Variants in SELENBP1 observed in about 807,000 individuals in gnomAD.
The protein encoded by SELENBP1 is selenium binding protein 1.
A neutral mutation model predicts 61.0 loss-of-function variants in SELENBP1; 71 were observed. The ratio of observed to expected loss-of-function variants is 1.16; its 90% CI spans 0.96 to 1.42. The LOEUF (loss-of-function observed/expected upper bound fraction) is 1.42, where lower values mean the gene tolerates loss of function less well. Ranked by LOEUF, SELENBP1 falls within the 40% of genes most tolerant of loss-of-function variation. The pLI, the probability that SELENBP1 is intolerant of heterozygous loss-of-function variation, is 0.00. For missense variants in SELENBP1, 561 were observed against 605.0 expected, an observed-to-expected ratio of 0.93 and a Z score of 0.76; for synonymous variants, 270 against 238.9, an observed-to-expected ratio of 1.13 and a Z score of -1.20.
chr1:151,365,214 G>A lies in SELENBP1; in HGVS notation c.1112C>T (p.Ser371Phe), dbSNP rs146726959. 1.9e-6 allele frequency: 3 copies of A among 1,613,894 alleles called. No homozygotes were observed. Among genetic ancestry groups the A allele is most frequent in the Non-Finnish European group, 2.5e-6 (3 of 1,179,908 alleles). Reference sequence around the variant, plus strand: ...CTTGACCACTAGGGGCTCTGGCTGGGACTTTAGTTCCTCGTCCTCCAGCAC... The same window carrying A: ...CTTGACCACTAGGGGCTCTGGCTGGAACTTTAGTTCCTCGTCCTCCAGCAC... Reference protein sequence around the residue: ...VQVLEDEELKSQPEPLVVKGK... With the variant: ...VQVLEDEELKFQPEPLVVKGK... The change falls in exon 10 of 12, where the codon TCC becomes TTC. Residue 371 changes from serine (S) to phenylalanine (F), a missense_variant. Transcript: ENST00000368868.
At chr1:151,370,703 G>A (rs1284982765) in intron 1 of SELENBP1, among the ~76,000 whole-genome samples, 1 of 152,118 alleles carries the variant, frequency 6.6e-6, no homozygotes, top group Non-Finnish European at 1.5e-5. Flanking sequence ...TGGGGAGCAG[G>A]GGTTAAAGAA....
chr1:151,368,229 A>T lies in SELENBP1; in HGVS notation c.451T>A (p.Ser151Thr), dbSNP rs556862506. 1.2e-6 allele frequency: 2 copies of T among 1,614,090 alleles called. No homozygotes were observed. Among genetic ancestry groups the T allele is most frequent in the Non-Finnish European group, 8.5e-7 (1 of 1,180,006 alleles). The stretch of plus-strand genomic sequence containing the variant: ...CCATTGCCCTTGACGTCTCCCAGGG[A>T]GCTGATCATCACTTCCCCGCTGGCC... Reference protein sequence around the residue: ...CLASGEVMISSLGDVKGNGKG... With the variant: ...CLASGEVMISTLGDVKGNGKG... The change falls in exon 5 of 12, where the codon TCC (serine) becomes ACC (threonine). Residue 151 changes from serine (S) to threonine (T), a missense_variant. Physicochemically the swap from Ser to Thr is moderately conservative, Grantham distance 58. Transcript: ENST00000368868.
At chr1:151,370,640 A>C (rs1402359774) in intron 1 of SELENBP1, among the ~76,000 whole-genome samples, 1 of 152,230 alleles carries the variant, frequency 6.6e-6, no homozygotes, top group Non-Finnish European at 1.5e-5. Flanking sequence ...GATGTGCAGT[A>C]GGGCTGGGAC....
rs972383447 is a variant in SELENBP1, at chr1:151,369,574, C to A, written c.62-20G>T. On this transcript the variant is annotated intron_variant, in intron 2 of 11. Transcript: ENST00000368868. Reference sequence around the variant, plus strand: ...TGGGTCCTGCACGGTAGAAAGCAGGCAGCAGGGACGGCAGGGTGGGAAGGA... The same window carrying A: ...TGGGTCCTGCACGGTAGAAAGCAGGAAGCAGGGACGGCAGGGTGGGAAGGA... The A allele has an allele frequency of 1.9e-6, 3 of 1,590,410 alleles. No individual in the cohort carries two copies.
chr1:151,365,892 C>A, intron 7 of SELENBP1, 46 bp from the exon 8 acceptor site: 1 of 1,604,146 alleles, frequency 6.2e-7, no homozygotes, highest in Non-Finnish European at 8.5e-7. Context: ...GAGAGGTCAG[C>A]CTATCAGAAT....
At chr1:151,370,222 A>G in intron 1 of SELENBP1, 1 of 344,114 alleles carries the variant, frequency 2.9e-6, no homozygotes, top group Non-Finnish European at 5.6e-6. Context: ...ACGAGGGTGC[A>G]GTAGGTGTGC....
intron 4 of SELENBP1, among the ~76,000 whole-genome samples, 174 bp downstream of exon 4, chr1:151,368,830 A>T (rs923951108): frequency 5.9e-5 from 9 of 152,128 alleles, no homozygotes. Flanking sequence ...GAGGGTGATG[A>T]CCCAGAATGC....
intron 5 of SELENBP1, 111 bp from the exon 6 acceptor site, chr1:151,367,015 C>T (rs1651866985): frequency 6.7e-7 from 1 of 1,503,108 alleles, no homozygotes; most frequent in Non-Finnish European, 8.9e-7. Flanking sequence ...ATTGCCTCTA[C>T]CTCCACTGCT....
At position 151,367,355 on chromosome 1, in the gene SELENBP1, A is replaced by AAAAAAAAGAAAAAAGAAAAG; in HGVS notation, c.482-452_482-451insCTTTTCTTTTTTCTTTTTTT. On this transcript the variant is annotated intron_variant, in intron 5 of 11. Transcript: ENST00000368868. ...CGAGACTCCCATCTCAAAAAAAAAA[A>AAAAAAAAGAAAAAAGAAAAG]AAAAAGAGAAAAGAAAAAGAAAAAA... is the stretch of plus-strand genomic sequence containing the variant. 2 of 49,264 alleles carry AAAAAAAAGAAAAAAGAAAAG rather than the reference A, an allele frequency of 4.1e-5. 1 individual carries two copies. The highest frequency in any genetic ancestry group is 2.1e-3 in the South Asian group (2 of 972). The allele number at this position is 49,264 out of a possible 1,614,324, so 3.1% of individuals were successfully genotyped here. A position where few individuals can be genotyped will look rare whatever the true frequency, so the allele number is the denominator to read the frequency against.
At chr1:151,369,344 G>A (rs1265939834) in intron 3 of SELENBP1, 98 bp downstream of exon 3, 1 of 1,418,540 alleles carries the variant, frequency 7.0e-7, no homozygotes, top group African/African-American at 1.4e-5. Flanking sequence ...GCATCCCCAG[G>A]GAGGGCCAAG....
intron 6 of SELENBP1, 120 bp downstream of exon 6, chr1:151,366,602 C>A: frequency 7.1e-7 from 1 of 1,407,426 alleles, no homozygotes; most frequent in Non-Finnish European, 9.8e-7. Flanking sequence ...GCGGTACATC[C>A]TATGCCATCT....
Position 151,364,711 on chromosome 1 carries a change from G to A in SELENBP1, c.1257-6C>T, listed in dbSNP as rs754506424. 3.8e-6 allele frequency: 6 copies of A among 1,571,800 alleles called. No individual in the cohort carries two copies. The highest frequency in any genetic ancestry group is 2.2e-5 in the East Asian group (1 of 44,528). On this transcript the variant is annotated splice_polypyrimidine_tract_variant and splice_region_variant and intron_variant, in intron 11 of 11. Transcript: ENST00000368868. Reference sequence around the variant, plus strand: ...GCAGCATCACAGAGCCTTCCCTGGTGGAAAAGGGAATGGGGTAAGGGAGAG... The same window carrying A: ...GCAGCATCACAGAGCCTTCCCTGGTAGAAAAGGGAATGGGGTAAGGGAGAG...
chr1:151,366,277 C>G lies in SELENBP1; in HGVS notation c.841G>C (p.Glu281Gln), dbSNP rs141611452. 5 of 1,612,326 alleles carry G rather than the reference C, an allele frequency of 3.1e-6. No individual in the cohort carries two copies. The highest frequency in any genetic ancestry group is 4.2e-6 in the Non-Finnish European group (5 of 1,179,164). Residue 281 changes from glutamate (E) to glutamine (Q), a missense_variant and splice_region_variant, in exon 7 of 12, where the codon GAG becomes CAG. Coordinates refer to ENST00000368868, the MANE Select transcript of SELENBP1 (RefSeq NM_003944.4). ...SSTIQRFYKN[E>Q]GGTWSVEKVI... is the part of the protein sequence containing the mutation. ...GAGGGCCAGAGGGCGTATGTCACCT[C>G]GTTCTTGTAGAAGCGCTGGATGGTG...
Position 151,365,116 on chromosome 1 carries a change from G to C in SELENBP1, c.1138-72C>G, listed in dbSNP as rs1651731646. On this transcript the variant is annotated intron_variant, in intron 10 of 11. Transcript: ENST00000368868. The stretch of plus-strand genomic sequence containing the variant: ...GGCACCACCCCAACCCCAAGAGTAT[G>C]CTCAGCTGCTCCCCCACATATTCCT... 5.7e-6 allele frequency: 9 copies of C among 1,578,768 alleles called. No homozygotes were observed. The South Asian group carries it at 1.0e-4, about 18-fold the overall frequency.
intron 10 of SELENBP1, 57 bp from the exon 11 acceptor site, chr1:151,365,101 CA>C: frequency 6.3e-7 from 1 of 1,586,246 alleles, no homozygotes; most frequent in Non-Finnish European, 8.6e-7. Context: ...GGCACCACCC[CA>C]ACCCCAAGAG....
At chr1:151,367,691 C>T (rs1028282392) in intron 5 of SELENBP1, among the ~76,000 whole-genome samples, 3 of 152,206 alleles carry the variant, frequency 2.0e-5, no homozygotes, top group Admixed American at 2.0e-4. Flanking sequence ...GGTTCAATCA[C>T]AGCTCATTGC....
Position 151,364,917 on chromosome 1 carries a change from G to T in SELENBP1, c.1256+9C>A, listed in dbSNP as rs545602314. ...GCTGGGGAGGAGAGCCCATGTGTCT[G>T]CTTCTCACCTGATGAGATCAGGGTA... On this transcript the variant is annotated intron_variant, in intron 11 of 11. Coordinates refer to ENST00000368868, the MANE Select transcript of SELENBP1 (RefSeq NM_003944.4). 2.5e-6 allele frequency: 4 copies of T among 1,612,384 alleles called. No individual in the cohort carries two copies. In the South Asian group the frequency reaches 3.3e-5, roughly 13 times the overall value.
chr1:151,369,867 T>G, intron 1 of SELENBP1, 98 bp from the exon 2 acceptor site: 1 of 1,551,224 alleles, frequency 6.4e-7, no homozygotes, highest in Non-Finnish European at 8.7e-7. Flanking sequence ...GCCACGGCAG[T>G]GCGGCTGGCC....
chr1:151,365,527 T>C (rs1651762643), intron 9 of SELENBP1, 36 bp downstream of exon 9: 2 of 1,612,802 alleles, frequency 1.2e-6, no homozygotes, highest in Admixed American at 3.3e-5. Flanking sequence ...TTCTCTTTCC[T>C]TCCTTCCCTT....
Sources: gnomAD v4.1 joint callset for allele counts (sites outside exome capture counted in the v4.1 genomes callset) on GRCh38, gnomAD v4.1.1 for gene constraint, MANE v1.5 for transcripts, NCBI Gene and HGNC (gene_info 2026-07-23, HGNC 2026-07-21) for gene names.